Variants in SLC22A23 observed in about 807,000 individuals in gnomAD.
SLC22A23 encodes the protein ion transporter protein.
A neutral mutation model predicts 61.0 loss-of-function variants in SLC22A23; 26 were observed. The ratio of observed to expected loss-of-function variants is 0.43; its 90% CI spans 0.31 to 0.59. The LOEUF (loss-of-function observed/expected upper bound fraction) is 0.59. Among genes scored for constraint, SLC22A23 ranks in the 20% least tolerant of loss-of-function variants. SLC22A23 has a pLI of 0.11. For missense variants in SLC22A23, 796 were observed against 934.7 expected, an observed-to-expected ratio of 0.85 and a Z score of 1.94; for synonymous variants, 430 against 413.9, an observed-to-expected ratio of 1.04 and a Z score of -0.47.
chr6:3,417,041 G>C (rs772213725), intron 1 of SLC22A23, among the ~76,000 whole-genome samples: 28 of 152,148 alleles, frequency 1.8e-4, no homozygotes, highest in South Asian at 4.1e-4. Context: ...GTAAGCTCAG[G>C]TCCTGCCTCA....
intron 3 of SLC22A23, among the ~76,000 whole-genome samples, chr6:3,407,331 G>A (rs1768908790): frequency 6.6e-6 from 1 of 152,286 alleles, no homozygotes; most frequent in South Asian, 2.1e-4. Flanking sequence ...GATATTCAGT[G>A]ACTCCGCTTT....
chr6:3,444,886 C>T lies in SLC22A23; in HGVS notation c.654+11020G>A, dbSNP rs183676098. The T allele has an allele frequency of 1.3e-5, 13 of 985,582 alleles. No individual in the cohort carries two copies. In the East Asian group the frequency reaches 3.4e-4, roughly 26 times the overall value. 61.1% of individuals were successfully genotyped at this position (985,582 alleles called of 1,614,324 possible). A position where few individuals can be genotyped will look rare whatever the true frequency, so the allele number is the denominator to read the frequency against. On this transcript the variant is annotated intron_variant, in intron 1 of 9. Coordinates refer to ENST00000406686, the MANE Select transcript of SLC22A23 (RefSeq NM_015482.2). ...ACCTGGCAGCGCCCAAGGAATAAAT[C>T]GCCCTTCCAGGTGTGGCCTTCAGCT...
chr6:3,293,667 G>T (rs1398750276), intron 5 of SLC22A23, among the ~76,000 whole-genome samples: 1 of 152,236 alleles, frequency 6.6e-6, no homozygotes, highest in Admixed American at 6.5e-5. Context: ...GTGGAGTGAG[G>T]GCCCTGTGCA....
intron 1 of SLC22A23, among the ~76,000 whole-genome samples, chr6:3,433,960 A>G (rs1173181308): frequency 6.6e-6 from 1 of 152,214 alleles, no homozygotes; most frequent in Non-Finnish European, 1.5e-5. Flanking sequence ...GTCAAAACCT[A>G]CTAAGCTATA....
rs1431188877 is a variant in SLC22A23, at chr6:3,328,434, G to C, written c.914-4432C>G. Reference sequence around the variant, plus strand: ...CCCAGGGTAGACACTTTATGTGACGGAGGAGGAAGGCCTGAGGGAGTGGGG... The same window carrying C: ...CCCAGGGTAGACACTTTATGTGACGCAGGAGGAAGGCCTGAGGGAGTGGGG... On this transcript the variant is annotated intron_variant, in intron 3 of 9. Transcript: ENST00000406686. The surrounding 1 kb of genome is among the most constrained non-coding windows in gnomAD (Gnocchi z 5.0). Among the ~76,000 whole-genome samples the C allele has an allele frequency of 1.3e-5, 2 of 152,152 alleles. No individual in the cohort carries two copies. The highest frequency in any genetic ancestry group is 4.8e-5 in the African/African-American group (2 of 41,430).
At chr6:3,363,038 G>A (rs973367831) in intron 3 of SLC22A23, among the ~76,000 whole-genome samples, 2 of 152,170 alleles carry the variant, frequency 1.3e-5, no homozygotes, top group East Asian at 1.9e-4. Flanking sequence ...CTCAGCACTC[G>A]GTGGGACATC....
At chr6:3,339,824 C>A (rs764265466) in intron 3 of SLC22A23, among the ~76,000 whole-genome samples, 1 of 152,196 alleles carries the variant, frequency 6.6e-6, no homozygotes, top group African/African-American at 2.4e-5. Flanking sequence ...GCAGCTTTTG[C>A]GGCTGCTCTG....
chr6:3,387,815 G>A lies in SLC22A23; in HGVS notation c.913+22373C>T, dbSNP rs1044684330. ...AAAGAGTTAACGAAACCCAAGAGTC[G>A]TGGGCTTCTCTGATAAAGTTCTCTG... is the stretch of plus-strand genomic sequence containing the variant. On this transcript the variant is annotated intron_variant, in intron 3 of 9. Coordinates refer to ENST00000406686, the MANE Select transcript of SLC22A23 (RefSeq NM_015482.2). The surrounding 1 kb of genome is among the most constrained non-coding windows in gnomAD (Gnocchi z 5.0). Among the ~76,000 whole-genome samples, 5 of 152,106 alleles carry A rather than the reference G, an allele frequency of 3.3e-5. No individual in the cohort carries two copies. The highest frequency in any genetic ancestry group is 7.4e-5 in the Non-Finnish European group (5 of 68,026).
chr6:3,323,340 G>T (rs1239087809), intron 4 of SLC22A23: 1 of 456,576 alleles, frequency 2.2e-6, no homozygotes, highest in Non-Finnish European at 4.4e-6. Context: ...CACGAGCATG[G>T]CTGTGTTCCA....
At chr6:3,384,957 T>C (rs1264817043) in intron 3 of SLC22A23, among the ~76,000 whole-genome samples, 1 of 152,212 alleles carries the variant, frequency 6.6e-6, no homozygotes, top group Admixed American at 6.5e-5. Context: ...ATGGAGGACA[T>C]TATGCTCAGT....
Position 3,360,871 on chromosome 6 carries a change from G to A in SLC22A23, c.914-36869C>T, listed in dbSNP as rs995956887. Among the ~76,000 whole-genome samples the A allele has an allele frequency of 3.9e-5, 6 of 152,262 alleles. No homozygotes were observed. Among genetic ancestry groups the A allele is most frequent in the African/African-American group, 1.2e-4 (5 of 41,552 alleles). ...ACGGGATTGGACGAAGCCTTCCCTC[G>A]GGCAAAGATGCTGGGGTGGGGAACA... On this transcript the variant is annotated intron_variant, in intron 3 of 9. Transcript: ENST00000406686. This position sits in a 1 kb window ranked among gnomAD's most constrained non-coding sequence, Gnocchi z 4.6.
At chr6:3,377,098 A>G (rs766924932) in intron 3 of SLC22A23, among the ~76,000 whole-genome samples, 2 of 152,190 alleles carry the variant, frequency 1.3e-5, no homozygotes, top group South Asian at 2.1e-4. Flanking sequence ...AATTTGGCCC[A>G]CTGCCTGTTT....
rs1762141473 is a variant in SLC22A23, at chr6:3,308,483, G to A, written c.1083-10265C>T. Among the ~76,000 whole-genome samples the A allele has an allele frequency of 6.6e-6, 1 of 152,198 alleles. No individual in the cohort carries two copies. Among genetic ancestry groups the A allele is most frequent in the South Asian group, 2.1e-4 (1 of 4,832 alleles). On this transcript the variant is annotated intron_variant, in intron 4 of 9. Transcript: ENST00000406686. The surrounding 1 kb of genome is among the most constrained non-coding windows in gnomAD (Gnocchi z 5.1). ...CACATTTGCCCACCTGGTGCTCAGA[G>A]ACAGTTCCCCCAGGTGTGGACAGTG...
intron 3 of SLC22A23, among the ~76,000 whole-genome samples, chr6:3,404,805 T>A (rs572797055): frequency 4.2e-4 from 64 of 152,294 alleles, no homozygotes; most frequent in Non-Finnish European, 7.2e-4. Context: ...ACTTTTTGCT[T>A]AGAAATTTAC....
chr6:3,438,756 G>T (rs1256444709), intron 1 of SLC22A23, among the ~76,000 whole-genome samples: 14 of 152,194 alleles, frequency 9.2e-5, no homozygotes, highest in Non-Finnish European at 1.5e-5. Context: ...AATATACTAT[G>T]GCCCTTTTCC....
At position 3,322,125 on chromosome 6, in the gene SLC22A23, A is replaced by G. The variant is rs2127396909; in HGVS notation, c.1082+1709T>C. Among the ~76,000 whole-genome samples, 1 of 152,282 alleles carries G rather than the reference A, an allele frequency of 6.6e-6. No homozygotes were observed. Among genetic ancestry groups the G allele is most frequent in the East Asian group, 1.9e-4 (1 of 5,180 alleles). ...AGGTGTGGCAAGAGTTGGCCGCTTC[A>G]GGTCCAGGCTCTGACGTGAGTCAGC... On this transcript the variant is annotated intron_variant, in intron 4 of 9. Coordinates refer to ENST00000406686, the MANE Select transcript of SLC22A23 (RefSeq NM_015482.2). This position sits in a 1 kb window ranked among gnomAD's most constrained non-coding sequence, Gnocchi z 4.1.
chr6:3,415,907 G>A, intron 1 of SLC22A23, 52 bp from the exon 2 acceptor site: 2 of 1,354,452 alleles, frequency 1.5e-6, no homozygotes, highest in Admixed American at 4.0e-5. Flanking sequence ...CACAGAGCTA[G>A]TCGTACTCAA....
At chr6:3,350,879 A>G (rs560083731) in intron 3 of SLC22A23, among the ~76,000 whole-genome samples, 1 of 152,232 alleles carries the variant, frequency 6.6e-6, no homozygotes, top group East Asian at 1.9e-4. Flanking sequence ...TCTCACTCCC[A>G]TTCTGAGGTC....
chr6:3,346,290 G>T (rs545987468), intron 3 of SLC22A23, among the ~76,000 whole-genome samples: 1 of 152,218 alleles, frequency 6.6e-6, no homozygotes, highest in East Asian at 1.9e-4. Flanking sequence ...AGCATTGCAC[G>T]TCTGAAGCTG....
Sources: allele counts gnomAD v4.1 joint callset (sites outside exome capture counted in the v4.1 genomes callset), GRCh38; gene constraint gnomAD v4.1.1; non-coding constraint Gnocchi (gnomAD v3.1); transcripts MANE v1.5; gene names NCBI Gene and HGNC (gene_info 2026-07-23, HGNC 2026-07-21).